Variants in BCAR3 observed in about 807,000 individuals in gnomAD.
BCAR3 encodes breast cancer anti-estrogen resistance protein 3.
A neutral mutation model predicts 80.1 loss-of-function variants in BCAR3; 37 were observed. The observed-to-expected ratio is 0.46, with a 90% CI of 0.36 to 0.61. BCAR3 has a LOEUF of 0.61. Ranked by LOEUF, BCAR3 falls within the 20% of genes least tolerant of loss-of-function variation. BCAR3 has a pLI of 0.00. For synonymous variants in BCAR3, 389 were observed against 418.9 expected, an observed-to-expected ratio of 0.93 and a Z score of 0.87; for missense variants, 978 against 1,068.2, an observed-to-expected ratio of 0.92 and a Z score of 1.18.
At chr1:93,610,980 T>G (rs565938156) in intron 3 of BCAR3, among the ~76,000 whole-genome samples, 68 of 152,084 alleles carry the variant, frequency 4.5e-4, no homozygotes, top group African/African-American at 1.5e-3. Flanking sequence ...CTATTCCTAG[T>G]TCCCCACGAA....
intron 2 of BCAR3, among the ~76,000 whole-genome samples, chr1:93,729,537 T>C (rs1650710033): frequency 6.6e-6 from 1 of 151,748 alleles, no homozygotes. Context: ...GTGAGAGGAG[T>C]AGCACTGGGC....
At chr1:93,670,824 A>G (rs1648166084) in intron 2 of BCAR3, among the ~76,000 whole-genome samples, 1 of 152,210 alleles carries the variant, frequency 6.6e-6, no homozygotes, top group African/African-American at 2.4e-5. Flanking sequence ...TATTCATGTT[A>G]TAATTATTGG....
intron 3 of BCAR3, among the ~76,000 whole-genome samples, chr1:93,705,933 C>T (rs934304943): frequency 1.3e-5 from 2 of 152,192 alleles, no homozygotes; most frequent in African/African-American, 2.4e-5. Context: ...GAAACAACTA[C>T]GCTGGAGCTT....
intron 3 of BCAR3, among the ~76,000 whole-genome samples, chr1:93,701,386 G>C (rs1158844997): frequency 2.6e-5 from 4 of 152,178 alleles, no homozygotes. Flanking sequence ...TCTTCCATTG[G>C]AATGGAAGTC....
intron 2 of BCAR3, among the ~76,000 whole-genome samples, chr1:93,831,407 T>C (rs1313463326): frequency 6.6e-6 from 1 of 152,166 alleles, no homozygotes; most frequent in Admixed American, 6.5e-5. Flanking sequence ...GCAATACCAC[T>C]TGACCCCAGT....
intron 7 of BCAR3, among the ~76,000 whole-genome samples, chr1:93,579,791 A>G (rs1240875909): frequency 6.6e-6 from 1 of 152,204 alleles, no homozygotes; most frequent in Non-Finnish European, 1.5e-5. Flanking sequence ...GAACCCACGC[A>G]GGTTCATACC....
At chr1:93,837,722 C>G (rs1017252073) in intron 2 of BCAR3, among the ~76,000 whole-genome samples, 4 of 152,138 alleles carry the variant, frequency 2.6e-5, no homozygotes, top group African/African-American at 7.2e-5. Flanking sequence ...GTAAACATTT[C>G]TTTGTTTTCT....
chr1:93,720,214 T>C (rs1325716804), intron 2 of BCAR3: 1 of 152,252 alleles, frequency 6.6e-6, no homozygotes. Context: ...TAGGATGCTC[T>C]GGGTTGCCTG....
chr1:93,591,323 A>C (rs920249377), intron 4 of BCAR3, among the ~76,000 whole-genome samples: 8 of 151,998 alleles, frequency 5.3e-5, no homozygotes, highest in African/African-American at 1.9e-4. Flanking sequence ...AAAAATATAA[A>C]AGTTAGCAGG....
intron 2 of BCAR3, among the ~76,000 whole-genome samples, chr1:93,674,397 A>G (rs1648363153): frequency 6.6e-6 from 1 of 152,156 alleles, no homozygotes; most frequent in African/African-American, 2.4e-5. Context: ...CTGGGATTAC[A>G]GGCACATGCC....
chr1:93,652,508 A>G (rs1676355596), intron 2 of BCAR3, among the ~76,000 whole-genome samples: 1 of 152,226 alleles, frequency 6.6e-6, no homozygotes, highest in African/African-American at 2.4e-5. Context: ...CGAGCCTCTA[A>G]TTGGAAATAG....
At chr1:93,767,832 T>G (rs1452079562) in intron 2 of BCAR3, among the ~76,000 whole-genome samples, 2 of 143,784 alleles carry the variant, frequency 1.4e-5, no homozygotes, top group Non-Finnish European at 3.1e-5. Context: ...ATGGGTTAAG[T>G]GAAAATAACA....
At position 93,819,126 on chromosome 1, in the gene BCAR3, G is replaced by A. The variant is rs181254425; in HGVS notation, c.-63+26441C>T. On this transcript the variant is annotated intron_variant, in intron 2 of 13. Coordinates refer to the BCAR3 transcript ENST00000370244. ...TCTGTTGCCGGGCTAGAGTGCAGTG[G>A]TGTAATCTCGGCTCACTGCAATCTC... Among the ~76,000 whole-genome samples, 512 of 151,802 alleles carry A rather than the reference G, an allele frequency of 3.4e-3. 5 individuals are homozygous for A. The highest frequency in any genetic ancestry group is 0.011 in the African/African-American group (461 of 41,354).
At chr1:93,706,793 A>C (rs1649840398) in intron 2 of BCAR3, among the ~76,000 whole-genome samples, 1 of 152,262 alleles carries the variant, frequency 6.6e-6, no homozygotes, top group African/African-American at 2.4e-5. Flanking sequence ...AATCTACATA[A>C]TTCAATATTA....
At position 93,592,334 on chromosome 1, in the gene BCAR3, C is replaced by T; in HGVS notation, c.417G>A (p.Glu139=). The change falls in exon 4 of 12, where the codon GAG becomes GAA. Residue 139 remains glutamate (E), a synonymous_variant. Transcript: ENST00000260502. This position sits in a 1 kb window ranked among gnomAD's most constrained non-coding sequence, Gnocchi z 4.8. ...CCTCGCTGCTCAGGAGCAGCTCCTC[C>T]TCCAGCTCCTTCTTCAGTTTCTCGG... is the stretch of plus-strand genomic sequence containing the variant. ...RTPEKLKKEL[E]EELLLSSEDL... is the part of the protein sequence containing the mutation. 1.2e-6 allele frequency: 2 copies of T among 1,610,590 alleles called. No homozygotes were observed. The highest frequency in any genetic ancestry group is 8.5e-7 in the Non-Finnish European group (1 of 1,179,916).
chr1:93,711,558 G>T (rs1257981314), intron 2 of BCAR3, among the ~76,000 whole-genome samples: 1 of 152,166 alleles, frequency 6.6e-6, no homozygotes, highest in East Asian at 1.9e-4. Flanking sequence ...GGCTAGCCTG[G>T]ATTCAATCGG....
intron 2 of BCAR3, among the ~76,000 whole-genome samples, chr1:93,722,681 G>C (rs1650445183): frequency 6.6e-6 from 1 of 152,164 alleles, no homozygotes; most frequent in African/African-American, 2.4e-5. Flanking sequence ...GGGACTGGTG[G>C]GCTGTGAGGG....
intron 7 of BCAR3, among the ~76,000 whole-genome samples, chr1:93,577,912 C>T (rs937930407): frequency 3.3e-5 from 5 of 152,216 alleles, no homozygotes; most frequent in African/African-American, 1.2e-4. Flanking sequence ...GGGTCACTTC[C>T]CTGGAGCCAC....
chr1:93,620,976 T>G (rs1675288367), intron 3 of BCAR3, among the ~76,000 whole-genome samples: 1 of 152,132 alleles, frequency 6.6e-6, no homozygotes, highest in Non-Finnish European at 1.5e-5. Flanking sequence ...CACATCCCTA[T>G]CTCCACCTAG....
Sources: gnomAD v4.1 joint callset for allele counts (sites outside exome capture counted in the v4.1 genomes callset) on GRCh38, gnomAD v4.1.1 for gene constraint, Gnocchi (gnomAD v3.1) non-coding constraint, MANE v1.5 for transcripts, NCBI Gene and HGNC (gene_info 2026-07-23, HGNC 2026-07-21) for gene names.